FBXO34: variants seen among roughly 807,000 people sequenced by gnomAD.
FBXO34 encodes the protein F-box only protein 34.
Under a neutral mutation model 24.5 loss-of-function variants are expected in FBXO34, and 12 were observed. That is an observed-to-expected ratio of 0.49 (90% CI 0.31 to 0.79). The LOEUF (loss-of-function observed/expected upper bound fraction) is 0.79, where lower values mean the gene tolerates loss of function less well. Among genes scored for constraint, FBXO34 ranks in the 30% least tolerant of loss-of-function variants. FBXO34 has a pLI of 0.04. For synonymous variants in FBXO34, 320 were observed against 311.9 expected (o/e 1.03, Z -0.27); for missense variants, 823 against 857.7 (o/e 0.96, Z 0.51).
chr14:55,350,843 G>T lies in FBXO34; in HGVS notation c.453G>T (p.Arg151Ser). The change falls in exon 2 of 2, where the codon AGG becomes AGT. Residue 151 changes from arginine to serine, a missense_variant. Around this residue, in one of 2 missense-constraint regions of FBXO34, gnomAD observed 693 missense variants for 659.1 expected, o/e 1.05. Transcript: ENST00000313833. ...WDIDGRATKRRKKSGDLKKAK... is the reference protein window; with the variant it reads ...WDIDGRATKRSKKSGDLKKAK... Reference sequence around the variant, plus strand: ...TTGATGGGAGAGCTACTAAGAGAAGGAAAAAATCAGGGGATCTTAAAAAAG... The same window carrying T: ...TTGATGGGAGAGCTACTAAGAGAAGTAAAAAATCAGGGGATCTTAAAAAAG... The T allele has an allele frequency of 6.2e-7, 1 of 1,612,514 alleles. No homozygotes were observed. Among genetic ancestry groups the T allele is most frequent in the Non-Finnish European group, 8.5e-7 (1 of 1,179,634 alleles).
the FBXO34 span, chr14:55,413,515 A>C: frequency 1.0e-5 from 3 of 288,838 alleles, no homozygotes; most frequent in Non-Finnish European, 2.1e-5. Flanking sequence ...TTCTCAATGA[A>C]GAGAAACATT....
chr14:55,440,706 G>A, the FBXO34 span: 1 of 788,044 alleles, frequency 1.3e-6, no homozygotes. Context: ...GGCCGGAGAG[G>A]GGCGTCTCGC....
chr14:55,433,178 G>C, the FBXO34 span, among the ~76,000 whole-genome samples: 2 of 151,984 alleles, frequency 1.3e-5, no homozygotes, highest in Admixed American at 6.6e-5. Context: ...ACTCAGACTG[G>C]ACTGCAGTGG....
At chr14:55,413,618 T>C in the FBXO34 span, 1 of 443,064 alleles carries the variant, frequency 2.3e-6, no homozygotes. Context: ...TGGTTCTAAG[T>C]GCTTGTCTGG....
intron 1 of FBXO34, among the ~76,000 whole-genome samples, chr14:55,280,262 C>T (rs770301165): frequency 9.9e-5 from 15 of 152,028 alleles, no homozygotes; most frequent in Non-Finnish European, 1.5e-4. Flanking sequence ...TGTAGAGCAG[C>T]GCTGTTGAGT....
chr14:55,395,008 G>T, the FBXO34 span: 5 of 461,198 alleles, frequency 1.1e-5, no homozygotes, highest in Non-Finnish European at 2.2e-5. Context: ...CTTGTTTTCT[G>T]CAGGTAAATC....
At chr14:55,387,712 C>G in the FBXO34 span, among the ~76,000 whole-genome samples, 295 of 152,184 alleles carry the variant, frequency 1.9e-3, 1 homozygote, top group African/African-American at 6.4e-3. Context: ...TCTTGTTGCC[C>G]AGGCTGGAAT....
At position 55,350,914 on chromosome 14, in the gene FBXO34, A is replaced by T; in HGVS notation, c.524A>T (p.Tyr175Phe). ...ATGAGGGAGGTTAACAGCAGGTGCTACCAACCTGAGCCTTTTGCATGTGGC... is the reference window on the plus strand; with the variant it reads ...ATGAGGGAGGTTAACAGCAGGTGCTTCCAACCTGAGCCTTTTGCATGTGGC... ...ERMREVNSRC[Y>F]QPEPFACGIE... The change falls in exon 2 of 2, where the codon TAC becomes TTC. Residue 175 changes from tyrosine (Y) to phenylalanine (F), a missense_variant. Tyr to Phe is a conservative substitution (Grantham distance 22). This residue lies in a region of FBXO34 where 693 missense variants were observed against 659.1 expected (regional missense o/e 1.05). Coordinates refer to ENST00000313833, the MANE Select transcript of FBXO34 (RefSeq NM_017943.4). 6.2e-7 allele frequency: 1 copy of T among 1,613,900 alleles called. No homozygotes were observed. The highest frequency in any genetic ancestry group is 2.2e-5 in the East Asian group (1 of 44,880).
At chr14:55,414,920 G>C in the FBXO34 span, among the ~76,000 whole-genome samples, 1 of 152,194 alleles carries the variant, frequency 6.6e-6, no homozygotes, top group African/African-American at 2.4e-5. Flanking sequence ...ATTTAAAAGA[G>C]TTTTAAATTT....
intron 1 of FBXO34, among the ~76,000 whole-genome samples, chr14:55,294,179 G>A (rs76713118): frequency 0.01 from 1,532 of 152,106 alleles, 23 homozygotes; most frequent in African/African-American, 0.035. Flanking sequence ...CTTGAAACAT[G>A]CTCTGTAGAA....
the FBXO34 span, among the ~76,000 whole-genome samples, chr14:55,382,493 A>G: frequency 6.6e-6 from 1 of 151,964 alleles, no homozygotes; most frequent in African/African-American, 2.4e-5. Flanking sequence ...TTAACTTAAA[A>G]AATTTTTTTT....
intron 1 of FBXO34, among the ~76,000 whole-genome samples, chr14:55,306,961 G>T (rs185213612): frequency 6.6e-6 from 1 of 152,338 alleles, no homozygotes; most frequent in East Asian, 1.9e-4. Flanking sequence ...CTTAGCATCT[G>T]CATTGGAATC....
At chr14:55,300,537 G>A (rs1305500443) in intron 1 of FBXO34, among the ~76,000 whole-genome samples, 2 of 152,266 alleles carry the variant, frequency 1.3e-5, no homozygotes, top group African/African-American at 4.8e-5. Context: ...GGAGGTTGCA[G>A]TGAGCTGAGA....
At chr14:55,357,570 C>T (rs1323313193), downstream of FBXO34, among the ~76,000 whole-genome samples, 1 of 152,178 alleles carries the variant, frequency 6.6e-6, no homozygotes, top group Non-Finnish European at 1.5e-5. Context: ...AATCCGAGCA[C>T]TTTAGGAGGC....
At chr14:55,332,654 C>T (rs1040796225) in intron 1 of FBXO34, among the ~76,000 whole-genome samples, 2 of 152,104 alleles carry the variant, frequency 1.3e-5, no homozygotes, top group African/African-American at 4.8e-5. Context: ...ATAGGGAGAA[C>T]TTGGTGTACC....
chr14:55,442,655 T>C, the FBXO34 span, among the ~76,000 whole-genome samples: 6 of 152,314 alleles, frequency 3.9e-5, no homozygotes, highest in South Asian at 4.1e-4. Flanking sequence ...TTTGATGAGA[T>C]TGGAATTTCA....
At chr14:55,302,154 T>G (rs1397364331) in intron 1 of FBXO34, among the ~76,000 whole-genome samples, 3 of 152,228 alleles carry the variant, frequency 2.0e-5, no homozygotes, top group Non-Finnish European at 2.9e-5. Flanking sequence ...CAGTCCTGGC[T>G]CCTTAAGTGA....
chr14:55,302,238 G>A (rs1882380828), intron 1 of FBXO34, among the ~76,000 whole-genome samples: 1 of 152,122 alleles, frequency 6.6e-6, no homozygotes, highest in African/African-American at 2.4e-5. Context: ...TTTGAATAGC[G>A]GGACATTACA....
chr14:55,376,702 C>T, the FBXO34 span, among the ~76,000 whole-genome samples: 3 of 152,088 alleles, frequency 2.0e-5, no homozygotes, highest in Admixed American at 6.5e-5. Context: ...ATGGATGATG[C>T]GGAAGGGAAA....
Sources: allele counts gnomAD v4.1 joint callset (sites outside exome capture counted in the v4.1 genomes callset), GRCh38; gene constraint gnomAD v4.1.1; regional missense constraint gnomAD v4.1.1; transcripts MANE v1.5; gene names NCBI Gene and HGNC (gene_info 2026-07-23, HGNC 2026-07-21).